PRKCA: variants seen among roughly 807,000 people sequenced by gnomAD.
The protein encoded by PRKCA is protein kinase C alpha.
PRKCA carries 27 observed loss-of-function variants against 87.0 expected under a neutral mutation model. The ratio of observed to expected loss-of-function variants is 0.31; its 90% confidence interval spans 0.23 to 0.43. The LOEUF (loss-of-function observed/expected upper bound fraction) is 0.43, where lower values mean the gene tolerates loss of function less well. PRKCA is among the 20% of genes least tolerant of loss of function. The pLI, the probability that PRKCA is intolerant of heterozygous loss-of-function variation, is 1.00. For synonymous variants in PRKCA, 329 were observed against 311.1 expected (o/e 1.06, Z -0.61); for missense variants, 518 against 852.3 (o/e 0.61, Z 4.88).
chr17:66,379,607 A>G (rs1212853575), intron 2 of PRKCA, among the ~76,000 whole-genome samples: 1 of 152,208 alleles, frequency 6.6e-6, no homozygotes, highest in Non-Finnish European at 1.5e-5. Flanking sequence ...GAACAAATGT[A>G]AATTTTATAC....
chr17:66,765,451 TATATCC>T (rs1287925489), intron 13 of PRKCA, among the ~76,000 whole-genome samples: 1 of 140,656 alleles, frequency 7.1e-6, no homozygotes, highest in Non-Finnish European at 1.5e-5. Flanking sequence ...TATATATATA[TATATCC>T]ATATATATAC....
chr17:66,502,891 C>A (rs1349092415), intron 3 of PRKCA, among the ~76,000 whole-genome samples: 1 of 151,722 alleles, frequency 6.6e-6, no homozygotes, highest in Non-Finnish European at 1.5e-5. Flanking sequence ...GATCTCTGGA[C>A]CTCGTGATCC....
At chr17:66,457,896 C>T (rs1359678714) in intron 2 of PRKCA, among the ~76,000 whole-genome samples, 1 of 152,166 alleles carries the variant, frequency 6.6e-6, no homozygotes, top group African/African-American at 2.4e-5. Context: ...TGATCACTAG[C>T]TGAGTGTGCT....
intron 3 of PRKCA, among the ~76,000 whole-genome samples, chr17:66,620,501 C>T (rs1266836025): frequency 6.6e-6 from 1 of 152,192 alleles, no homozygotes; most frequent in Non-Finnish European, 1.5e-5. Flanking sequence ...TGGCCTGTGG[C>T]TACCGATAGC....
chr17:66,565,606 C>A (rs1968865995), intron 3 of PRKCA, among the ~76,000 whole-genome samples: 1 of 152,190 alleles, frequency 6.6e-6, no homozygotes, highest in Non-Finnish European at 1.5e-5. Flanking sequence ...CTCTTTCTGG[C>A]ATAGGAGGCC....
intron 9 of PRKCA, among the ~76,000 whole-genome samples, chr17:66,733,315 A>G (rs1411701856): frequency 6.6e-6 from 1 of 152,178 alleles, no homozygotes; most frequent in Non-Finnish European, 1.5e-5. Context: ...TGAGGAGAGA[A>G]AGGGCAGGTT....
chr17:66,322,746 T>TA (rs1905757061), intron 2 of PRKCA, among the ~76,000 whole-genome samples: 1 of 151,818 alleles, frequency 6.6e-6, no homozygotes, highest in Non-Finnish European at 1.5e-5. Flanking sequence ...AGTGGGATTA[T>TA]AGGCATGAGC....
chr17:66,639,943 C>G (rs1025079249), intron 3 of PRKCA, among the ~76,000 whole-genome samples: 1 of 151,910 alleles, frequency 6.6e-6, no homozygotes, highest in Non-Finnish European at 1.5e-5. Context: ...TGCAGTGAGC[C>G]GAGCTCGTGC....
rs1375359357 is a variant in PRKCA, at chr17:66,689,146, A to G, written c.918+99A>G. The G allele has an allele frequency of 4.5e-6, 3 of 660,716 alleles. No homozygotes were observed. Among genetic ancestry groups the G allele is most frequent in the African/African-American group, 3.8e-5 (2 of 53,006 alleles). 40.9% of individuals were successfully genotyped at this position (660,716 alleles called of 1,614,324 possible). ...GTCACATTTTTGAAAAGCAAAAAAAAAGTAATCTCAATGTTAATGATCTTT... is the reference window on the plus strand; with the variant it reads ...GTCACATTTTTGAAAAGCAAAAAAAGAGTAATCTCAATGTTAATGATCTTT... On this transcript the variant is annotated intron_variant, in intron 8 of 16. Transcript: ENST00000413366. The surrounding 1 kb of genome is among the most constrained non-coding windows in gnomAD (Gnocchi z 4.1).
In PRKCA at chr17:66,361,995, G is replaced by A. The variant is rs191585727; in HGVS notation, c.205+55868G>A. ...CAATTTTCATCACCTGCTCTATTAA[G>A]CCACTTGCGTGTTCTAGAAGGGGTT... On this transcript the variant is annotated intron_variant, in intron 2 of 16. Transcript: ENST00000413366. 3.8e-3 allele frequency among the ~76,000 whole-genome samples: 575 copies of A among 152,156 alleles called. 4 individuals are homozygous for A. Among genetic ancestry groups the A allele is most frequent in the Middle Eastern group, 6.8e-3 (2 of 292 alleles).
At chr17:66,339,409 A>G (rs1906903254) in intron 2 of PRKCA, among the ~76,000 whole-genome samples, 1 of 152,148 alleles carries the variant, frequency 6.6e-6, no homozygotes, top group African/African-American at 2.4e-5. Context: ...TTCCACTTGG[A>G]ATAAGATCCC....
rs1971425138 is a variant in PRKCA, at chr17:66,645,423, C to T, written c.441C>T (p.Val147=). ...MNVHKQCVIN[V]PSLCGMDHTE... is the part of the protein sequence containing the mutation. ...TTCACAAGCAATGCGTCATCAATGT[C>T]CCCAGCCTCTGCGGAATGGATCACA... Residue 147 remains valine, a synonymous_variant, in exon 5 of 17, where the codon GTC becomes GTT. Transcript: ENST00000413366. 1 of 1,614,070 alleles carries T rather than the reference C, an allele frequency of 6.2e-7. No homozygotes were observed. The highest frequency in any genetic ancestry group is 1.3e-5 in the African/African-American group (1 of 74,918).
intron 5 of PRKCA, among the ~76,000 whole-genome samples, chr17:66,650,504 T>A (rs1416849566): frequency 6.6e-6 from 1 of 152,162 alleles, no homozygotes; most frequent in African/African-American, 2.4e-5. Context: ...GGAAAAAATA[T>A]CGGGTGCTTT....
chr17:66,336,172 G>A (rs894114686), intron 2 of PRKCA, among the ~76,000 whole-genome samples: 30 of 152,200 alleles, frequency 2.0e-4, no homozygotes, highest in African/African-American at 7.2e-4. Context: ...GAATGAATTT[G>A]TCAAGTATCT....
chr17:66,551,508 G>T (rs527864548), intron 3 of PRKCA, among the ~76,000 whole-genome samples: 1 of 152,368 alleles, frequency 6.6e-6, no homozygotes, highest in South Asian at 2.1e-4. Flanking sequence ...ATGGTAGCTG[G>T]CTTCCATCAG....
chr17:66,355,850 T>A (rs150201354), intron 2 of PRKCA, among the ~76,000 whole-genome samples: 2 of 152,348 alleles, frequency 1.3e-5, no homozygotes, highest in Admixed American at 1.3e-4. Context: ...CTTGAAAATA[T>A]ACCTTCCCAA....
chr17:66,747,553 C>A (rs570668406), intron 13 of PRKCA, among the ~76,000 whole-genome samples: 4 of 152,314 alleles, frequency 2.6e-5, no homozygotes, highest in African/African-American at 9.6e-5. Flanking sequence ...GTGACTTGCC[C>A]AAGGTCACAT....
chr17:66,782,323 G>T (rs1342080718), intron 14 of PRKCA, among the ~76,000 whole-genome samples: 3 of 151,994 alleles, frequency 2.0e-5, no homozygotes, highest in South Asian at 4.2e-4. Flanking sequence ...CTTTGCAACA[G>T]AGGAAACAGA....
chr17:66,740,200 C>A (rs1974126755), intron 11 of PRKCA, among the ~76,000 whole-genome samples: 1 of 151,954 alleles, frequency 6.6e-6, no homozygotes, highest in South Asian at 2.1e-4. Context: ...TTGGAACGCA[C>A]CTGCATGATG....
Sources: allele counts gnomAD v4.1 joint callset (sites outside exome capture counted in the v4.1 genomes callset), GRCh38; gene constraint gnomAD v4.1.1; non-coding constraint Gnocchi (gnomAD v3.1); transcripts MANE v1.5; gene names NCBI Gene and HGNC (gene_info 2026-07-23, HGNC 2026-07-21).